Variants in LUZP2 observed in about 807,000 individuals in gnomAD.
The protein encoded by LUZP2 is leucine zipper protein 2.
A neutral mutation model predicts 51.6 loss-of-function variants in LUZP2; 52 were observed. That is an observed-to-expected ratio of 1.01 (90% CI 0.81 to 1.27). LUZP2 has a LOEUF of 1.27. Among genes scored for constraint, LUZP2 ranks in the 50% most tolerant of loss-of-function variants. LUZP2 has a pLI of 0.00. For missense variants in LUZP2, 436 were observed against 395.4 expected (o/e 1.10, Z -0.87); for synonymous variants, 154 against 137.3 (o/e 1.12, Z -0.85).
At position 25,016,631 on chromosome 11, in the gene LUZP2, G is replaced by A. The variant is rs536631356; in HGVS notation, c.765+33338G>A. Among the ~76,000 whole-genome samples, 10 of 123,802 alleles carry A rather than the reference G, an allele frequency of 8.1e-5. No homozygotes were observed. The South Asian group carries it at 1.9e-3, about 23-fold the overall frequency. 81.2% of individuals were successfully genotyped at this position (123,802 alleles called of 152,430 possible). A position where few individuals can be genotyped will look rare whatever the true frequency, so the allele number is the denominator to read the frequency against. On this transcript the variant is annotated intron_variant, in intron 9 of 11. Coordinates refer to ENST00000336930, the MANE Select transcript of LUZP2 (RefSeq NM_001009909.4). ...AAACACACGTGTTACATATGTGTGTGTTTGTGTCTGTGTGTACCACATTTT... is the reference window on the plus strand; with the variant it reads ...AAACACACGTGTTACATATGTGTGTATTTGTGTCTGTGTGTACCACATTTT...
intron 5 of LUZP2, among the ~76,000 whole-genome samples, chr11:24,771,046 T>A (rs1860396955): frequency 6.6e-6 from 1 of 152,142 alleles, no homozygotes; most frequent in African/African-American, 2.4e-5. Flanking sequence ...ATTGCACAGA[T>A]CATGTCTGAA....
intron 1 of LUZP2, among the ~76,000 whole-genome samples, chr11:24,507,732 G>A (rs1348714257): frequency 6.6e-6 from 1 of 151,896 alleles, no homozygotes; most frequent in East Asian, 1.9e-4. Context: ...AGGCTACTTG[G>A]GGCAGGAAAT....
intron 8 of LUZP2, among the ~76,000 whole-genome samples, chr11:24,980,997 G>A (rs1856012181): frequency 6.6e-6 from 1 of 151,858 alleles, no homozygotes; most frequent in Non-Finnish European, 1.5e-5. Flanking sequence ...GAAAGACAGA[G>A]CAAAAACAAG....
intron 1 of LUZP2, among the ~76,000 whole-genome samples, chr11:24,497,722 G>T (rs976861403): frequency 6.6e-6 from 1 of 152,180 alleles, no homozygotes; most frequent in African/African-American, 2.4e-5. Flanking sequence ...TCCCCCAAGT[G>T]TGCCTGATTT....
chr11:24,774,332 TTC>T (rs374302170), intron 5 of LUZP2, among the ~76,000 whole-genome samples: 60 of 41,918 alleles, frequency 1.4e-3, no homozygotes, highest in African/African-American at 3.6e-3. Context: ...CTTAGTAAAC[TTC>T]TCTCTCTCTC....
At chr11:24,787,316 G>A (rs564355330) in intron 5 of LUZP2, among the ~76,000 whole-genome samples, 2 of 152,050 alleles carry the variant, frequency 1.3e-5, no homozygotes, top group African/African-American at 4.8e-5. Context: ...CAAAAATTTG[G>A]GGCAGCATAT....
intron 5 of LUZP2, among the ~76,000 whole-genome samples, chr11:24,807,776 C>T (rs988498194): frequency 6.6e-6 from 1 of 152,028 alleles, no homozygotes; most frequent in African/African-American, 2.4e-5. Context: ...ACTTTTCAGG[C>T]AAGCGAGGTC....
intron 5 of LUZP2, among the ~76,000 whole-genome samples, chr11:24,822,355 G>A (rs1436612888): frequency 1.3e-5 from 2 of 152,038 alleles, no homozygotes. Context: ...CCATACAGAG[G>A]TGAACCACTC....
intron 7 of LUZP2, among the ~76,000 whole-genome samples, chr11:24,949,817 G>C (rs975903223): frequency 2.6e-5 from 4 of 151,530 alleles, no homozygotes; most frequent in African/African-American, 9.7e-5. Flanking sequence ...ACACGCAGGT[G>C]ATCAGAACTC....
chr11:24,799,283 C>T (rs530813524), intron 5 of LUZP2, among the ~76,000 whole-genome samples: 2 of 152,148 alleles, frequency 1.3e-5, no homozygotes, highest in South Asian at 2.1e-4. Flanking sequence ...AGGAAGAAAC[C>T]AGTACAACTT....
intron 9 of LUZP2, among the ~76,000 whole-genome samples, chr11:25,042,632 T>G (rs1339622414): frequency 6.6e-6 from 1 of 152,166 alleles, no homozygotes; most frequent in Non-Finnish European, 1.5e-5. Context: ...ATCTAAAGGC[T>G]AGAAATCTGA....
intron 1 of LUZP2, among the ~76,000 whole-genome samples, chr11:24,712,166 A>G (rs1857852752): frequency 6.6e-6 from 1 of 152,136 alleles, no homozygotes; most frequent in Non-Finnish European, 1.5e-5. Flanking sequence ...CACACCTGGA[A>G]TCCCAGCACT....
chr11:24,692,091 GT>G (rs993622650), intron 1 of LUZP2, among the ~76,000 whole-genome samples: 20 of 148,102 alleles, frequency 1.4e-4, no homozygotes, highest in South Asian at 1.1e-3. Context: ...GGCATTTTAC[GT>G]TTTTTTTTTC....
chr11:24,728,233 C>T (rs564013516), intron 1 of LUZP2, among the ~76,000 whole-genome samples: 2 of 152,066 alleles, frequency 1.3e-5, no homozygotes, highest in South Asian at 4.1e-4. Context: ...CAAAAATTGC[C>T]TAAGCCAGAA....
intron 1 of LUZP2, among the ~76,000 whole-genome samples, chr11:24,656,730 T>G (rs527393045): frequency 6.6e-6 from 1 of 152,186 alleles, no homozygotes; most frequent in African/African-American, 2.4e-5. Context: ...TAAGGCTCCT[T>G]TTCTCCAACT....
chr11:24,879,342 A>G (rs1415056741), intron 5 of LUZP2, among the ~76,000 whole-genome samples: 1 of 152,172 alleles, frequency 6.6e-6, no homozygotes, highest in East Asian at 1.9e-4. Context: ...AGTTGGTTCC[A>G]TGACTTTGCT....
rs113841285 is a variant in LUZP2 at position 24,707,964 on chromosome 11, G to T, written c.63-21205G>T. Among the ~76,000 whole-genome samples, 531 of 152,110 alleles carry T rather than the reference G, an allele frequency of 3.5e-3. 1 individual carries two copies. The highest frequency in any genetic ancestry group is 6.0e-3 in the Non-Finnish European group (405 of 67,994). On this transcript the variant is annotated intron_variant, in intron 1 of 11. Coordinates refer to ENST00000336930, the MANE Select transcript of LUZP2 (RefSeq NM_001009909.4). ...TGCAGTGTCATTCCCCCATTGGCTA[G>T]GGTTAGACCACACAGGCTAAACTAA... is the stretch of plus-strand genomic sequence containing the variant.
At chr11:24,658,658 T>A (rs1185275089) in intron 1 of LUZP2, among the ~76,000 whole-genome samples, 2 of 151,638 alleles carry the variant, frequency 1.3e-5, no homozygotes, top group Non-Finnish European at 2.9e-5. Context: ...TGGGAGAAAA[T>A]TTTTGCAATC....
chr11:24,691,181 G>A (rs979796500), intron 1 of LUZP2, among the ~76,000 whole-genome samples: 3 of 151,870 alleles, frequency 2.0e-5, no homozygotes, highest in Non-Finnish European at 2.9e-5. Context: ...TTCAGATCAT[G>A]TTGTTCAGTA....
Sources: allele counts gnomAD v4.1 joint callset (sites outside exome capture counted in the v4.1 genomes callset), GRCh38; gene constraint gnomAD v4.1.1; transcripts MANE v1.5; gene names NCBI Gene and HGNC (gene_info 2026-07-23, HGNC 2026-07-21).